AKR7A2: variants seen among roughly 807,000 people sequenced by gnomAD.
AKR7A2 encodes the protein aldo-keto reductase family 7 member A2.
A neutral mutation model predicts 37.3 loss-of-function variants in AKR7A2; 29 were observed. The observed-to-expected ratio is 0.78, with a 90% CI of 0.58 to 1.06. The LOEUF is 1.06. Ranked by LOEUF, AKR7A2 falls within the 50% of genes least tolerant of loss-of-function variation. The pLI is 0.00. For synonymous variants in AKR7A2, 228 were observed against 217.8 expected (o/e 1.05, Z -0.41); for missense variants, 529 against 497.9 (o/e 1.06, Z -0.59).
intron 4 of AKR7A2, 25 bp from the exon 5 acceptor site, chr1:19,307,126 C>G: frequency 6.2e-7 from 1 of 1,613,668 alleles, no homozygotes; most frequent in South Asian, 1.1e-5. Context: ...CAATCAGCCC[C>G]TGGCCCCAGA....
chr1:19,304,261 A>T lies in AKR7A2; in HGVS notation c.1044T>A (p.His348Gln), dbSNP rs749861886. The T allele has an allele frequency of 2.2e-5, 35 of 1,614,036 alleles. No individual in the cohort carries two copies. The highest frequency in any genetic ancestry group is 1.1e-5 in the Non-Finnish European group (13 of 1,180,042). Residue 348 changes from histidine to glutamine, a missense_variant, in exon 7 of 7, where the codon CAT (histidine) becomes CAA (glutamine). Transcript: ENST00000235835. Reference sequence around the variant, plus strand: ...AGTTGGGACATTCGTGAGCAACCAAATGCCAGGCTTGATTAAAGGCATCCA... The same window carrying T: ...AGTTGGGACATTCGTGAGCAACCAATTGCCAGGCTTGATTAAAGGCATCCA... ...AVVDAFNQAW[H>Q]LVAHECPNYF...
At position 19,304,212 on chromosome 1, in the gene AKR7A2, A is replaced by G; in HGVS notation, c.*13T>C. ...TGACAGAAAAGCCTTGGGCAGCCTG[A>G]GCCATGATGGGCCTAGCGGAAGTAG... On this transcript the variant is annotated 3_prime_UTR_variant, in exon 7 of 7. Transcript: ENST00000235835. 6.2e-7 allele frequency: 1 copy of G among 1,614,202 alleles called. No homozygotes were observed. The highest frequency in any genetic ancestry group is 8.5e-7 in the Non-Finnish European group (1 of 1,180,020).
In AKR7A2 at chr1:19,305,043, G is replaced by A. The variant is rs184086221; in HGVS notation, c.919-657C>T. ...CCTTGTGTTTTGTACACAAAAGGGGGTGGGAGGTAGTGCGGTGTGGTGGTG... is the reference window on the plus strand; with the variant it reads ...CCTTGTGTTTTGTACACAAAAGGGGATGGGAGGTAGTGCGGTGTGGTGGTG... On this transcript the variant is annotated intron_variant, in intron 6 of 6. Coordinates refer to ENST00000235835, the MANE Select transcript of AKR7A2 (RefSeq NM_003689.4). 294 of 161,142 alleles carry A rather than the reference G, an allele frequency of 1.8e-3. 3 individuals carry two copies. Among genetic ancestry groups the A allele is most frequent in the African/African-American group, 6.8e-3 (282 of 41,546 alleles). 10.0% of individuals were successfully genotyped at this position (161,142 alleles called of 1,614,324 possible). A position where few individuals can be genotyped will look rare whatever the true frequency, so the allele number is the denominator to read the frequency against.
intron 1 of AKR7A2, 43 bp downstream of exon 1, chr1:19,311,784 C>G: frequency 1.2e-6 from 2 of 1,607,018 alleles, no homozygotes; most frequent in Non-Finnish European, 1.7e-6. Flanking sequence ...GGGACAGGCT[C>G]AGCTCTACAC....
intron 6 of AKR7A2, among the ~76,000 whole-genome samples, chr1:19,304,902 G>A (rs916989940): frequency 6.6e-6 from 1 of 152,086 alleles, no homozygotes; most frequent in African/African-American, 2.4e-5. Flanking sequence ...GTGTGCTGCT[G>A]TTCTACCGCC....
In AKR7A2 at chr1:19,306,612, A is replaced by ATT. The variant is rs3835240; in HGVS notation, c.788+388_788+389dup. Among the ~76,000 whole-genome samples, 92 of 148,380 alleles carry ATT rather than the reference A, an allele frequency of 6.2e-4. 1 individual carries two copies. Among genetic ancestry groups the ATT allele is most frequent in the Admixed American group, 1.1e-3 (17 of 14,926 alleles). ...CCACCACACCTGACCACTTTTTTGC[A>ATT]TTTTTTTTTTGTAGAGACCATGTTG... is the stretch of plus-strand genomic sequence containing the variant. On this transcript the variant is annotated intron_variant, in intron 5 of 6. Coordinates refer to ENST00000235835, the MANE Select transcript of AKR7A2 (RefSeq NM_003689.4).
At chr1:19,309,374 G>A (rs1249517965) in intron 1 of AKR7A2, among the ~76,000 whole-genome samples, 1 of 152,178 alleles carries the variant, frequency 6.6e-6, no homozygotes, top group Admixed American at 6.5e-5. Context: ...AAGTCAAGGG[G>A]GCAGGCCTGG....
chr1:19,306,724 G>A (rs920120208), intron 5 of AKR7A2, among the ~76,000 whole-genome samples: 9 of 151,954 alleles, frequency 5.9e-5, no homozygotes, highest in African/African-American at 2.2e-4. Context: ...GAGCCACCAT[G>A]CCTGGCCCAT....
intron 1 of AKR7A2, among the ~76,000 whole-genome samples, chr1:19,310,764 A>AC (rs1346092933): frequency 1.3e-5 from 2 of 150,966 alleles, no homozygotes; most frequent in Non-Finnish European, 3.0e-5. Flanking sequence ...TTTCCCCCCG[A>AC]CCCCCCAAGC....
chr1:19,307,759 G>A (rs2151989052), intron 3 of AKR7A2: 1 of 493,456 alleles, frequency 2.0e-6, no homozygotes, highest in African/African-American at 1.9e-5. Flanking sequence ...ATCAAACAAG[G>A]AGCTGGAAAG....
chr1:19,308,474 C>G lies in AKR7A2; in HGVS notation c.467G>C (p.Cys156Ser). ...CCTCACCTCCTGGTGCAGCCGCTGGCAGGCATGCAGCGTCTCTTCCACCGG... is the reference window on the plus strand; with the variant it reads ...CCTCACCTCCTGGTGCAGCCGCTGGGAGGCATGCAGCGTCTCTTCCACCGG... Reference protein sequence around the residue: ...GTPVEETLHACQRLHQEGKFV... With the variant: ...GTPVEETLHASQRLHQEGKFV... The change falls in exon 2 of 7, where the codon TGC (cysteine) becomes TCC (serine). Residue 156 changes from cysteine to serine, a missense_variant. Physicochemically the swap from Cys to Ser is moderately radical, Grantham distance 112. Coordinates refer to ENST00000235835, the MANE Select transcript of AKR7A2 (RefSeq NM_003689.4). 1 of 1,613,992 alleles carries G rather than the reference C, an allele frequency of 6.2e-7. No individual in the cohort carries two copies. The highest frequency in any genetic ancestry group is 8.5e-7 in the Non-Finnish European group (1 of 1,180,024).
Position 19,304,484 on chromosome 1 carries a change from G to C in AKR7A2, c.919-98C>G, listed in dbSNP as rs547636317. On this transcript the variant is annotated intron_variant, in intron 6 of 6. Coordinates refer to ENST00000235835, the MANE Select transcript of AKR7A2 (RefSeq NM_003689.4). ...CTCCCTGCTGAGATCTGGGGTCTCT[G>C]TTTATATTTATATCTTGTATGTCCA... 4.4e-5 allele frequency: 71 copies of C among 1,600,450 alleles called. No homozygotes were observed. The South Asian group carries it at 7.6e-4, about 17-fold the overall frequency.
At chr1:19,307,909 G>T in intron 3 of AKR7A2, 1 of 599,840 alleles carries the variant, frequency 1.7e-6, no homozygotes, top group Admixed American at 2.8e-5. Context: ...ATGTGTTCCA[G>T]GCTGAAGTAT....
chr1:19,308,133 T>C (rs1413473293), intron 3 of AKR7A2, 25 bp downstream of exon 3: 1 of 1,613,544 alleles, frequency 6.2e-7, no homozygotes, highest in Non-Finnish European at 8.5e-7. Flanking sequence ...CTGGAGACCT[T>C]GGCCTCTGCA....
Position 19,306,146 on chromosome 1 carries a change from A to C in AKR7A2, c.790T>G (p.Phe264Val), listed in dbSNP as rs779684664. Residue 264 changes from phenylalanine (F) to valine (V), a missense_variant and splice_region_variant, in exon 6 of 7, where the codon TTC becomes GTC. Phe to Val is a conservative substitution (Grantham distance 50, BLOSUM62 -1). Coordinates refer to ENST00000235835, the MANE Select transcript of AKR7A2 (RefSeq NM_003689.4). ...NSWAETYRNR[F>V]WKEHHFEAIA... is the part of the protein sequence containing the mutation. The stretch of plus-strand genomic sequence containing the variant: ...GCCTCGAAGTGGTGCTCCTTCCAGA[A>C]GCTGTGCAGAGGGGATGTTAGCACA... 1.9e-6 allele frequency: 3 copies of C among 1,614,154 alleles called. No individual in the cohort carries two copies. In the South Asian group the frequency reaches 3.3e-5, roughly 18 times the overall value.
At chr1:19,308,927 G>C (rs1301837549) in intron 1 of AKR7A2, among the ~76,000 whole-genome samples, 2 of 152,144 alleles carry the variant, frequency 1.3e-5, no homozygotes, top group African/African-American at 4.8e-5. Flanking sequence ...GAACACAATG[G>C]ATCTCTGCCC....
At position 19,308,567 on chromosome 1, in the gene AKR7A2, G is replaced by A. The variant is rs1458311650; in HGVS notation, c.374C>T (p.Thr125Met). The A allele has an allele frequency of 8.7e-6, 14 of 1,614,174 alleles. No individual in the cohort carries two copies. The highest frequency in any genetic ancestry group is 1.3e-5 in the African/African-American group (1 of 75,050). ...KPDSVRSQLE[T>M]SLKRLQCPQV... ...GGGACACTGCAGCCTCTTCAATGACGTCTCCAGCTGGGACCGGACACTGTC... is the reference window on the plus strand; with the variant it reads ...GGGACACTGCAGCCTCTTCAATGACATCTCCAGCTGGGACCGGACACTGTC... Residue 125 changes from threonine to methionine, a missense_variant, in exon 2 of 7, where the codon ACG (threonine) becomes ATG (methionine). Transcript: ENST00000235835.
At chr1:19,307,733 A>T (rs938073854) in intron 3 of AKR7A2, 14 of 508,254 alleles carry the variant, frequency 2.8e-5, no homozygotes, top group South Asian at 2.1e-4. Flanking sequence ...TAATTACAAT[A>T]AAGTTAGGTT....
At chr1:19,306,189 G>T (rs1237549146) in intron 5 of AKR7A2, 42 bp from the exon 6 acceptor site, 1 of 1,613,630 alleles carries the variant, frequency 6.2e-7, no homozygotes, top group South Asian at 1.1e-5. Context: ...GTACCATGGG[G>T]GTCACACTGG....
Sources: gnomAD v4.1 joint callset for allele counts (sites outside exome capture counted in the v4.1 genomes callset) on GRCh38, gnomAD v4.1.1 for gene constraint, MANE v1.5 for transcripts, NCBI Gene and HGNC (gene_info 2026-07-23, HGNC 2026-07-21) for gene names.